TCF20: variants seen among roughly 807,000 people sequenced by gnomAD.
TCF20 encodes transcription factor 20, also known as SPRE-binding protein.
TCF20 carries 3 observed loss-of-function variants against 148.6 expected under a neutral mutation model. The ratio of observed to expected loss-of-function variants is 0.02; its 90% CI spans 0.01 to 0.05. The LOEUF (loss-of-function observed/expected upper bound fraction) is 0.05. Ranked by LOEUF, TCF20 falls within the 10% of genes least tolerant of loss-of-function variation. TCF20 has a pLI of 1.00. For synonymous variants in TCF20, 1,049 were observed against 909.5 expected, an observed-to-expected ratio of 1.15 and a Z score of -2.76; for missense variants, 2,350 against 2,429.3, an observed-to-expected ratio of 0.97 and a Z score of 0.69.
intron 1 of TCF20, among the ~76,000 whole-genome samples, chr22:42,335,844 G>A (rs1020737559): frequency 3.3e-5 from 5 of 152,078 alleles, no homozygotes; most frequent in African/African-American, 7.2e-5. Flanking sequence ...CTCAGATCAC[G>A]CCCCCAGCCC....
At chr22:42,179,490 C>CAAAAAAAAAAAAAAAAAAAAAAAAAAA in intron 3 of TCF20, 119 bp downstream of exon 3, 1 of 369,014 alleles carries the variant, frequency 2.7e-6, no homozygotes, top group Admixed American at 5.3e-5. Flanking sequence ...TATGAAGTGA[C>CAAAAAAAAAAAAAAAAAAAAAAAAAAA]AAAAAAAAAA....
chr22:42,165,142 C>G (rs1323578456), intron 5 of TCF20, among the ~76,000 whole-genome samples: 1 of 152,218 alleles, frequency 6.6e-6, no homozygotes, highest in Admixed American at 6.5e-5. Flanking sequence ...CAGACTCAGG[C>G]TCTCCTCTGG....
intron 1 of TCF20, among the ~76,000 whole-genome samples, chr22:42,237,712 T>C (rs1339300683): frequency 6.6e-6 from 1 of 152,236 alleles, no homozygotes; most frequent in Non-Finnish European, 1.5e-5. Flanking sequence ...ATAGATGTTG[T>C]GTTAGCAAGC....
In TCF20 at chr22:42,297,234, C is replaced by T. The variant is rs1009307837; in HGVS notation, c.-37+46245G>A. Among the ~76,000 whole-genome samples the T allele has an allele frequency of 3.9e-5, 6 of 152,158 alleles. No homozygotes were observed. Among genetic ancestry groups the T allele is most frequent in the Admixed American group, 3.3e-4 (5 of 15,274 alleles). On this transcript the variant is annotated intron_variant, in intron 1 of 1. Transcript: ENST00000515426. This position sits in a 1 kb window ranked among gnomAD's most constrained non-coding sequence, Gnocchi z 4.3. ...AAATGGGCATGATCAGAGAGGGCTACGCTGTAGAACTGACCAGGGGGCTGA... is the reference window on the plus strand; with the variant it reads ...AAATGGGCATGATCAGAGAGGGCTATGCTGTAGAACTGACCAGGGGGCTGA...
At chr22:42,326,238 A>G (rs1472758521) in intron 1 of TCF20, among the ~76,000 whole-genome samples, 1 of 152,102 alleles carries the variant, frequency 6.6e-6, no homozygotes, top group Non-Finnish European at 1.5e-5. Flanking sequence ...AGTGCCCGTG[A>G]GATCACCTGA....
At chr22:42,162,153 G>C (rs538094866) in intron 5 of TCF20, among the ~76,000 whole-genome samples, 1 of 151,878 alleles carries the variant, frequency 6.6e-6, no homozygotes, top group African/African-American at 2.4e-5. Context: ...GCTAATTTTT[G>C]TATTTTTAGG....
intron 1 of TCF20, among the ~76,000 whole-genome samples, chr22:42,313,396 G>A (rs1927571191): frequency 6.6e-6 from 1 of 152,120 alleles, no homozygotes; most frequent in East Asian, 1.9e-4. Context: ...GCTGCGAGCA[G>A]AGCCCTGCCC....
chr22:42,177,439 T>G (rs1936517960), intron 3 of TCF20, among the ~76,000 whole-genome samples: 1 of 151,994 alleles, frequency 6.6e-6, no homozygotes, highest in Non-Finnish European at 1.5e-5. Context: ...AAAAACTTAA[T>G]AAACTTGAAA....
chr22:42,222,884 G>A (rs1024003970), intron 1 of TCF20, among the ~76,000 whole-genome samples: 59 of 152,306 alleles, frequency 3.9e-4, no homozygotes, highest in African/African-American at 1.4e-3. Context: ...CGGCCACAGT[G>A]GCTCACACCT....
chr22:42,248,396 T>A (rs149999110), intron 1 of TCF20, among the ~76,000 whole-genome samples: 13 of 152,352 alleles, frequency 8.5e-5, no homozygotes, highest in African/African-American at 2.9e-4. Flanking sequence ...TGTTTCTTTA[T>A]CCCCGTTTTA....
At chr22:42,250,015 TAGGG>T (rs1385138929) in intron 1 of TCF20, among the ~76,000 whole-genome samples, 1 of 152,100 alleles carries the variant, frequency 6.6e-6, no homozygotes, top group African/African-American at 2.4e-5. Context: ...TCCCGGCTAC[TAGGG>T]AGGCTGAGGT....
At chr22:42,288,320 G>A (rs966693141), upstream of TCF20, among the ~76,000 whole-genome samples, 48 of 152,192 alleles carry the variant, frequency 3.2e-4, no homozygotes, top group Non-Finnish European at 4.7e-4. Flanking sequence ...GGCAGATCAC[G>A]AGGTCAGGAA....
intron 1 of TCF20, among the ~76,000 whole-genome samples, chr22:42,326,110 C>T (rs540437629): frequency 6.6e-6 from 1 of 152,154 alleles, no homozygotes; most frequent in South Asian, 2.1e-4. Context: ...CAACTCCCCC[C>T]AGGAGAGGAA....
intron 1 of TCF20, among the ~76,000 whole-genome samples, chr22:42,229,240 T>C (rs1923183665): frequency 6.6e-6 from 1 of 152,054 alleles, no homozygotes; most frequent in South Asian, 2.1e-4. Flanking sequence ...GAGATGTCCA[T>C]AATTATGGAA....
At chr22:42,220,613 C>T (rs1260482162) in intron 1 of TCF20, among the ~76,000 whole-genome samples, 1 of 152,132 alleles carries the variant, frequency 6.6e-6, no homozygotes, top group Non-Finnish European at 1.5e-5. Context: ...TCCCTGTTTG[C>T]CCCCACAGCC....
At chr22:42,243,007 C>T (rs1434664237) in intron 1 of TCF20, among the ~76,000 whole-genome samples, 2 of 151,826 alleles carry the variant, frequency 1.3e-5, no homozygotes, top group Non-Finnish European at 1.5e-5. Context: ...ACTGTAAAGT[C>T]AGTAGGAAGA....
intron 1 of TCF20, among the ~76,000 whole-genome samples, chr22:42,254,830 A>T (rs1925633845): frequency 6.6e-6 from 1 of 151,740 alleles, no homozygotes; most frequent in Non-Finnish European, 1.5e-5. Context: ...CCGCGGGTGG[A>T]GGCGGGCGCC....
intron 1 of TCF20, among the ~76,000 whole-genome samples, chr22:42,229,608 G>A (rs1035902845): frequency 3.3e-5 from 5 of 152,068 alleles, no homozygotes; most frequent in Non-Finnish European, 5.9e-5. Context: ...TGAAGGCCAC[G>A]GCAATTTTCC....
intron 1 of TCF20, among the ~76,000 whole-genome samples, chr22:42,254,657 C>T (rs134866): frequency 0.46 from 69,658 of 152,052 alleles, 16,790 homozygotes; most frequent in South Asian, 0.58. Flanking sequence ...CAGCCCTATA[C>T]CCTGGGAGAA....
Sources: allele counts gnomAD v4.1 joint callset (sites outside exome capture counted in the v4.1 genomes callset), GRCh38; gene constraint gnomAD v4.1.1; non-coding constraint Gnocchi (gnomAD v3.1); transcripts MANE v1.5; gene names NCBI Gene and HGNC (gene_info 2026-07-23, HGNC 2026-07-21).